Variants in AKAP6 observed in about 807,000 individuals in gnomAD.
AKAP6 encodes the protein A-kinase anchor protein 6.
In AKAP6, 58 loss-of-function variants were observed where a neutral mutation model predicts 188.5. The observed-to-expected ratio is 0.31, with a 90% CI of 0.25 to 0.38. AKAP6 has a LOEUF of 0.38. AKAP6 is among the 10% of genes least tolerant of loss of function. The probability of loss-of-function intolerance (pLI) is 1.00; values close to 1 mark genes in which losing one functional copy is unlikely to be tolerated. For synonymous variants in AKAP6, 989 were observed against 998.6 expected (o/e 0.99, Z 0.18); for missense variants, 2,710 against 2,740.0 (o/e 0.99, Z 0.24).
chr14:32,666,936 T>G (rs552835946), intron 7 of AKAP6, among the ~76,000 whole-genome samples: 1 of 152,254 alleles, frequency 6.6e-6, no homozygotes, highest in Admixed American at 6.5e-5. Flanking sequence ...GCTAAGCTTT[T>G]TTAATGTCAT....
intron 5 of AKAP6, among the ~76,000 whole-genome samples, chr14:32,586,899 C>A (rs573342461): frequency 6.6e-6 from 1 of 152,252 alleles, no homozygotes; most frequent in East Asian, 1.9e-4. Flanking sequence ...AGAACAAATA[C>A]CTTTCATATG....
chr14:32,447,143 A>G (rs1228016143), intron 2 of AKAP6, among the ~76,000 whole-genome samples: 2 of 152,052 alleles, frequency 1.3e-5, no homozygotes, highest in African/African-American at 4.8e-5. Context: ...TACTTAAAAA[A>G]CTTCATGCAC....
chr14:32,525,313 C>A (rs1255536789), intron 2 of AKAP6, among the ~76,000 whole-genome samples: 1 of 152,172 alleles, frequency 6.6e-6, no homozygotes, highest in Admixed American at 6.5e-5. Flanking sequence ...AAAGTGATAG[C>A]TCAATAAATG....
chr14:32,565,191 C>T (rs1276941313), intron 4 of AKAP6, among the ~76,000 whole-genome samples: 1 of 152,106 alleles, frequency 6.6e-6, no homozygotes, highest in African/African-American at 2.4e-5. Flanking sequence ...GAGTTCCAGG[C>T]TTATACAACT....
chr14:32,429,148 T>C (rs1342647895), intron 1 of AKAP6, among the ~76,000 whole-genome samples: 2 of 152,252 alleles, frequency 1.3e-5, no homozygotes, highest in Non-Finnish European at 1.5e-5. Flanking sequence ...GGTAGGCACC[T>C]GTGTGCACTT....
intron 2 of AKAP6, among the ~76,000 whole-genome samples, chr14:32,468,062 C>T (rs1423866991): frequency 1.3e-5 from 2 of 151,976 alleles, no homozygotes; most frequent in Non-Finnish European, 2.9e-5. Context: ...TTGTCATCTC[C>T]CTTTCAAAGA....
At chr14:32,509,989 G>A (rs1291296797) in intron 2 of AKAP6, among the ~76,000 whole-genome samples, 1 of 152,070 alleles carries the variant, frequency 6.6e-6, no homozygotes, top group Non-Finnish European at 1.5e-5. Context: ...CTGACCTCAT[G>A]CAGATTGAAA....
chr14:32,502,385 G>C (rs1043569521), intron 2 of AKAP6, among the ~76,000 whole-genome samples: 3 of 152,126 alleles, frequency 2.0e-5, no homozygotes, highest in African/African-American at 7.2e-5. Context: ...ATTGAAGACA[G>C]TTTAATTGGA....
intron 1 of AKAP6, among the ~76,000 whole-genome samples, chr14:32,372,434 G>A (rs925657542): frequency 2.0e-5 from 3 of 152,042 alleles, no homozygotes; most frequent in Non-Finnish European, 4.4e-5. Flanking sequence ...TGGGTCAGAC[G>A]TAGTGTTTGT....
intron 2 of AKAP6, among the ~76,000 whole-genome samples, chr14:32,449,115 A>G (rs555878677): frequency 3.4e-4 from 52 of 152,284 alleles, no homozygotes; most frequent in Non-Finnish European, 8.8e-5. Flanking sequence ...CAATGTCCGA[A>G]TTTCCTTTAC....
At chr14:32,600,251 T>C (rs1355686805) in intron 6 of AKAP6, among the ~76,000 whole-genome samples, 1 of 152,204 alleles carries the variant, frequency 6.6e-6, no homozygotes, top group Non-Finnish European at 1.5e-5. Flanking sequence ...CCTATTTCCA[T>C]AGACAATTTT....
intron 1 of AKAP6, among the ~76,000 whole-genome samples, chr14:32,365,576 G>A (rs1020330804): frequency 6.6e-6 from 1 of 152,030 alleles, no homozygotes; most frequent in Non-Finnish European, 1.5e-5. Flanking sequence ...GGCCCCCCAG[G>A]GACCCCATTC....
At chr14:32,348,322 G>T (rs571721336) in intron 1 of AKAP6, among the ~76,000 whole-genome samples, 88 of 152,108 alleles carry the variant, frequency 5.8e-4, no homozygotes, top group African/African-American at 2.1e-3. Context: ...TAAAAAGCAG[G>T]AATCCCAAAC....
intron 11 of AKAP6, among the ~76,000 whole-genome samples, chr14:32,747,903 CTG>C (rs1258073725): frequency 2.0e-5 from 3 of 152,172 alleles, no homozygotes; most frequent in African/African-American, 7.2e-5. Flanking sequence ...AGAGATACAG[CTG>C]TGTACTCATT....
chr14:32,575,899 T>C (rs1404458771), intron 4 of AKAP6, among the ~76,000 whole-genome samples: 1 of 152,152 alleles, frequency 6.6e-6, no homozygotes, highest in Non-Finnish European at 1.5e-5. Context: ...ACATCTCTGC[T>C]TTGTCCCCCT....
At chr14:32,340,923 C>A (rs184930146) in intron 1 of AKAP6, among the ~76,000 whole-genome samples, 1 of 152,232 alleles carries the variant, frequency 6.6e-6, no homozygotes, top group African/African-American at 2.4e-5. Flanking sequence ...GATCTAATCA[C>A]TTCCCAAAGG....
intron 1 of AKAP6, chr14:32,403,442 C>T (rs1889165142): frequency 6.6e-6 from 1 of 152,178 alleles, no homozygotes; most frequent in African/African-American, 2.4e-5. Context: ...TGTGATTAGA[C>T]TGATTGTATT....
intron 7 of AKAP6, among the ~76,000 whole-genome samples, chr14:32,647,380 G>T (rs980706970): frequency 5.9e-5 from 9 of 152,066 alleles, no homozygotes; most frequent in African/African-American, 2.2e-4. Flanking sequence ...TGGTAGATGA[G>T]AAAACTGAGG....
At chr14:32,457,479 C>G (rs1891184061) in intron 2 of AKAP6, among the ~76,000 whole-genome samples, 2 of 152,068 alleles carry the variant, frequency 1.3e-5, no homozygotes, top group Non-Finnish European at 2.9e-5. Flanking sequence ...AGAGTATTCC[C>G]TCTCCCATCA....
Sources: allele counts gnomAD v4.1 joint callset (sites outside exome capture counted in the v4.1 genomes callset), GRCh38; gene constraint gnomAD v4.1.1; transcripts MANE v1.5; gene names NCBI Gene and HGNC (gene_info 2026-07-23, HGNC 2026-07-21).